The following SGCD variants were observed in gnomAD, a reference collection of about 807,000 sequenced individuals.
SGCD encodes the protein sarcoglycan delta.
A neutral mutation model predicts 36.6 loss-of-function variants in SGCD; 18 were observed. The ratio of observed to expected loss-of-function variants is 0.49; its 90% CI spans 0.34 to 0.73. The LOEUF is 0.73. Among genes scored for constraint, SGCD ranks in the 30% least tolerant of loss-of-function variants. The pLI is 0.01. For missense variants in SGCD, 387 were observed against 346.7 expected (o/e 1.12, Z -0.92); for synonymous variants, 133 against 130.6 (o/e 1.02, Z -0.12).
chr5:155,773,426 T>C, the SGCD span, among the ~76,000 whole-genome samples: 2 of 152,124 alleles, frequency 1.3e-5, no homozygotes, highest in Non-Finnish European at 2.9e-5. Context: ...CCAGTCCTCC[T>C]GACTTGGCCT....
intron 1 of SGCD, among the ~76,000 whole-genome samples, chr5:156,068,248 G>T (rs1163231079): frequency 1.3e-5 from 2 of 151,752 alleles, no homozygotes; most frequent in Non-Finnish European, 2.9e-5. Flanking sequence ...CATCAGGTAT[G>T]TCTCCTAAAG....
At chr5:156,755,865 G>T (rs1326513007) in intron 7 of SGCD, among the ~76,000 whole-genome samples, 2 of 152,162 alleles carry the variant, frequency 1.3e-5, no homozygotes, top group East Asian at 1.9e-4. Flanking sequence ...AAGGGAGAAG[G>T]CTGCTGCCTG....
chr5:156,425,184 T>A (rs1231781744), intron 3 of SGCD, among the ~76,000 whole-genome samples: 1 of 152,078 alleles, frequency 6.6e-6, no homozygotes, highest in Non-Finnish European at 1.5e-5. Context: ...TTTCATTATC[T>A]GTCAGTGCAC....
chr5:156,146,142 G>A (rs1335797054), intron 3 of SGCD, among the ~76,000 whole-genome samples: 4 of 152,178 alleles, frequency 2.6e-5, no homozygotes, highest in African/African-American at 4.8e-5. Context: ...GAACCTGGGA[G>A]GTGGAGCTTG....
At chr5:156,104,000 A>C (rs1761583817) in intron 1 of SGCD, among the ~76,000 whole-genome samples, 2 of 152,120 alleles carry the variant, frequency 1.3e-5, no homozygotes, top group African/African-American at 4.8e-5. Context: ...CCTATGTATA[A>C]AAACTTGCTT....
At chr5:156,075,141 T>G (rs1246700775) in intron 1 of SGCD, among the ~76,000 whole-genome samples, 1 of 152,112 alleles carries the variant, frequency 6.6e-6, no homozygotes, top group East Asian at 1.9e-4. Context: ...TACATAATGC[T>G]TACACACAAA....
intron 4 of SGCD, among the ~76,000 whole-genome samples, chr5:156,529,289 G>A (rs748837193): frequency 7.9e-5 from 12 of 152,114 alleles, no homozygotes; most frequent in Non-Finnish European, 1.2e-4. Context: ...GCTGGGCGTG[G>A]TGGTGTGTGC....
intron 3 of SGCD, among the ~76,000 whole-genome samples, chr5:156,238,124 T>C (rs1049037168): frequency 6.6e-6 from 1 of 152,070 alleles, no homozygotes; most frequent in Admixed American, 6.5e-5. Flanking sequence ...TTCTTCTTTT[T>C]TGTAGATACT....
At position 156,603,826 on chromosome 5, in the gene SGCD, T is replaced by C. The variant is rs563748941; in HGVS notation, c.502+8775T>C. On this transcript the variant is annotated intron_variant, in intron 6 of 8. Transcript: ENST00000337851. Reference sequence around the variant, plus strand: ...TTTGTGGTATAACATGTGATCTATTTTGGAGAATGTTAAACGTGTAATTGA... The same window carrying C: ...TTTGTGGTATAACATGTGATCTATTCTGGAGAATGTTAAACGTGTAATTGA... 3.3e-5 allele frequency among the ~76,000 whole-genome samples: 5 copies of C among 152,188 alleles called. No individual in the cohort carries two copies. In the East Asian group the frequency reaches 9.6e-4, roughly 29 times the overall value.
the SGCD span, among the ~76,000 whole-genome samples, chr5:155,794,528 AAC>A: frequency 6.6e-6 from 1 of 152,028 alleles, no homozygotes; most frequent in Non-Finnish European, 1.5e-5. Context: ...TAAATAATAT[AAC>A]ACATTAATTA....
the SGCD span, among the ~76,000 whole-genome samples, chr5:155,831,154 T>A: frequency 6.6e-6 from 1 of 152,226 alleles, no homozygotes. Context: ...CAACTCTCTC[T>A]GATTCCGCAA....
chr5:156,396,192 C>T (rs140541831), intron 3 of SGCD, among the ~76,000 whole-genome samples: 103 of 152,264 alleles, frequency 6.8e-4, no homozygotes, highest in African/African-American at 2.0e-3. Flanking sequence ...GAGAGAGATT[C>T]GGCGTGGGCA....
intron 3 of SGCD, among the ~76,000 whole-genome samples, chr5:156,211,284 A>C (rs1420431579): frequency 6.6e-6 from 1 of 152,172 alleles, no homozygotes; most frequent in African/African-American, 2.4e-5. Flanking sequence ...TGAACAGACC[A>C]GTCTTAGAAG....
intron 6 of SGCD, among the ~76,000 whole-genome samples, chr5:156,616,099 CTT>C (rs2113479006): frequency 6.6e-6 from 1 of 150,964 alleles, no homozygotes; most frequent in South Asian, 2.1e-4. Context: ...GAAACCAAAA[CTT>C]AGTCTCTCTC....
At chr5:156,685,790 C>G (rs1019475784) in intron 7 of SGCD, among the ~76,000 whole-genome samples, 1 of 152,180 alleles carries the variant, frequency 6.6e-6, no homozygotes, top group Non-Finnish European at 1.5e-5. Flanking sequence ...GGCTGATGTT[C>G]TTTTATGCCA....
At chr5:156,565,073 A>G (rs2087345038) in intron 4 of SGCD, among the ~76,000 whole-genome samples, 1 of 152,210 alleles carries the variant, frequency 6.6e-6, no homozygotes, top group African/African-American at 2.4e-5. Context: ...AATTAACAGG[A>G]CAGTCTCACA....
chr5:156,729,179 C>T (rs1028212048), intron 7 of SGCD, among the ~76,000 whole-genome samples: 2 of 152,150 alleles, frequency 1.3e-5, no homozygotes, highest in African/African-American at 4.8e-5. Flanking sequence ...ATGGCATATG[C>T]TATATATCAT....
intron 3 of SGCD, among the ~76,000 whole-genome samples, chr5:156,307,932 A>C (rs1767270232): frequency 6.6e-6 from 1 of 152,084 alleles, no homozygotes. Context: ...TGAAAAACAA[A>C]TGTTACAATA....
chr5:155,974,678 A>G (rs562200187), intron 1 of SGCD, among the ~76,000 whole-genome samples: 142 of 152,066 alleles, frequency 9.3e-4, no homozygotes, highest in Admixed American at 2.0e-3. Flanking sequence ...CATAGGCTGG[A>G]ACATCAGGTA....
Sources: allele counts gnomAD v4.1 joint callset (sites outside exome capture counted in the v4.1 genomes callset), GRCh38; gene constraint gnomAD v4.1.1; transcripts MANE v1.5; gene names NCBI Gene and HGNC (gene_info 2026-07-23, HGNC 2026-07-21).